The following SPATS2L variants were observed in gnomAD, a reference collection of about 807,000 sequenced individuals.
SPATS2L encodes the protein SPATS2-like protein.
In SPATS2L, 30 loss-of-function variants were observed where a neutral mutation model predicts 59.6. The ratio of observed to expected loss-of-function variants is 0.50; its 90% CI spans 0.38 to 0.68. The LOEUF is 0.68. SPATS2L is among the 30% of genes least tolerant of loss of function. The pLI, the probability that SPATS2L is intolerant of heterozygous loss-of-function variation, is 0.00. For missense variants in SPATS2L, 615 were observed against 700.0 expected, an observed-to-expected ratio of 0.88 and a Z score of 1.37; for synonymous variants, 252 against 263.5, an observed-to-expected ratio of 0.96 and a Z score of 0.42.
intron 2 of SPATS2L, chr2:200,351,175 A>G (rs1479971269): frequency 8.6e-6 from 4 of 465,312 alleles, no homozygotes; most frequent in South Asian, 6.3e-5. Flanking sequence ...CTGAGGGAGA[A>G]GTGCATTTGT....
chr2:200,412,764 T>A (rs2082923114), intron 4 of SPATS2L, among the ~76,000 whole-genome samples: 1 of 152,266 alleles, frequency 6.6e-6, no homozygotes, highest in South Asian at 2.1e-4. Context: ...TAATATTAAA[T>A]GTGTCCTTGG....
chr2:200,388,621 C>CG (rs1491027086), intron 2 of SPATS2L, among the ~76,000 whole-genome samples: 1 of 149,608 alleles, frequency 6.7e-6, no homozygotes, highest in African/African-American at 2.5e-5. Flanking sequence ...TGCCCCCCCC[C>CG]CACCCAGAAA....
At chr2:200,392,208 G>T (rs2082192990) in intron 3 of SPATS2L, among the ~76,000 whole-genome samples, 1 of 152,140 alleles carries the variant, frequency 6.6e-6, no homozygotes. Context: ...GTGATTAGAG[G>T]GTTGGAATTT....
At chr2:200,439,720 A>G (rs1269871298) in intron 7 of SPATS2L, among the ~76,000 whole-genome samples, 1 of 152,234 alleles carries the variant, frequency 6.6e-6, no homozygotes, top group Non-Finnish European at 1.5e-5. Flanking sequence ...TTGAACAAAG[A>G]TGAGTCTGGA....
chr2:200,325,755 C>T (rs2079716622), intron 1 of SPATS2L, among the ~76,000 whole-genome samples: 1 of 152,178 alleles, frequency 6.6e-6, no homozygotes, highest in Non-Finnish European at 1.5e-5. Flanking sequence ...CTTACTCTTT[C>T]TCTGAAGTTT....
Position 200,472,948 on chromosome 2 carries a change from A to G in SPATS2L, c.1177A>G (p.Thr393Ala), listed in dbSNP as rs1417363703. Residue 393 changes from threonine (T) to alanine (A), a missense_variant, in exon 12 of 13, where the codon ACT (threonine) becomes GCT (alanine). By Grantham distance (58) the Thr-to-Ala change is moderately conservative (BLOSUM62 0). Transcript: ENST00000409140. ...GAGTAACTTTTCCCGAAAATCATCC[A>G]CTCACAATAAGCCCTCTGAAGGCAA... ...KQSNFSRKSSTHNKPSEGKAA... is the reference protein window; with the variant it reads ...KQSNFSRKSSAHNKPSEGKAA... 1.2e-6 allele frequency: 2 copies of G among 1,613,692 alleles called. No individual in the cohort carries two copies. The highest frequency in any genetic ancestry group is 1.7e-6 in the Non-Finnish European group (2 of 1,179,816).
intron 2 of SPATS2L, among the ~76,000 whole-genome samples, chr2:200,362,597 T>C (rs781464887): frequency 6.6e-6 from 1 of 152,216 alleles, no homozygotes; most frequent in Non-Finnish European, 1.5e-5. Context: ...GACTTACCTA[T>C]GTGAAGATAC....
At chr2:200,397,432 C>T (rs895610556) in intron 3 of SPATS2L, among the ~76,000 whole-genome samples, 2 of 152,116 alleles carry the variant, frequency 1.3e-5, no homozygotes. Context: ...TCCTTCTCTC[C>T]TAACCTTGTA....
intron 11 of SPATS2L, 149 bp from the exon 12 acceptor site, chr2:200,472,683 C>T (rs1239113287): frequency 7.3e-6 from 5 of 682,480 alleles, no homozygotes; most frequent in South Asian, 5.9e-5. Flanking sequence ...CCAAGATGCC[C>T]TTTCAAATAA....
intron 2 of SPATS2L, among the ~76,000 whole-genome samples, chr2:200,333,090 G>A (rs995095656): frequency 2.0e-5 from 3 of 151,888 alleles, no homozygotes; most frequent in Non-Finnish European, 4.4e-5. Context: ...AGACCAGCCT[G>A]GGCAACATGG....
intron 3 of SPATS2L, among the ~76,000 whole-genome samples, chr2:200,400,293 G>A (rs562906016): frequency 7.9e-5 from 12 of 152,154 alleles, no homozygotes; most frequent in Non-Finnish European, 1.8e-4. Flanking sequence ...ACCTCCAGTG[G>A]ACTCAAGGAC....
intron 2 of SPATS2L, among the ~76,000 whole-genome samples, chr2:200,370,798 G>A (rs920132205): frequency 1.3e-5 from 2 of 152,178 alleles, no homozygotes; most frequent in Non-Finnish European, 2.9e-5. Context: ...CCCAGACTGT[G>A]TACTTAATGG....
At chr2:200,344,008 C>T (rs2080421305) in intron 2 of SPATS2L, among the ~76,000 whole-genome samples, 1 of 151,368 alleles carries the variant, frequency 6.6e-6, no homozygotes, top group Admixed American at 6.6e-5. Context: ...ATACTGCTTT[C>T]ATAATAAGCA....
In SPATS2L at chr2:200,335,694, C is replaced by A. The variant is rs555040086; in HGVS notation, c.-23+6214C>A. The stretch of plus-strand genomic sequence containing the variant: ...TTAGAAGTGAACGACTGTGTCACTG[C>A]ATGGCAAAGTGGTCTCCAAAGTGGG... On this transcript the variant is annotated intron_variant, in intron 2 of 12. Transcript: ENST00000409140. Among the ~76,000 whole-genome samples, 5 of 152,328 alleles carry A rather than the reference C, an allele frequency of 3.3e-5. No individual in the cohort carries two copies. The South Asian group carries it at 1.0e-3, about 32-fold the overall frequency.
At chr2:200,432,260 T>C (rs2083983007) in intron 6 of SPATS2L, among the ~76,000 whole-genome samples, 1 of 152,024 alleles carries the variant, frequency 6.6e-6, no homozygotes, top group Non-Finnish European at 1.5e-5. Flanking sequence ...GGAGCTTTGG[T>C]GGGGAGGAAG....
At chr2:200,373,270 C>CAAAAAAAAAAAAAAAAAAAAAAAA (rs3856514) in intron 2 of SPATS2L, 12 of 106,038 alleles carry the variant, frequency 1.1e-4, no homozygotes, top group Non-Finnish European at 1.7e-4. Context: ...ACTGCCTTAA[C>CAAAAAAAAAAAAAAAAAAAAAAAA]AAAAAAAAAA....
At chr2:200,375,234 G>T (rs3754798) in intron 2 of SPATS2L, among the ~76,000 whole-genome samples, 37,431 of 152,134 alleles carry the variant, frequency 0.25, 5,792 homozygotes, top group South Asian at 0.36. Flanking sequence ...TAGGAGTGAG[G>T]CTAATGGTTA....
chr2:200,479,493 C>G lies in SPATS2L; in HGVS notation c.*1462C>G. 2.5e-6 allele frequency: 1 copy of G among 398,492 alleles called. No homozygotes were observed. Among genetic ancestry groups the G allele is most frequent in the Non-Finnish European group, 4.4e-6 (1 of 226,060 alleles). 24.7% of individuals were successfully genotyped at this position (398,492 alleles called of 1,614,324 possible). A position where few individuals can be genotyped will look rare whatever the true frequency, so the allele number is the denominator to read the frequency against. On this transcript the variant is annotated 3_prime_UTR_variant, in exon 13 of 13. Transcript: ENST00000409140. ...TGCATAGACTAATTAGAGCCCACCCCTGGAGCCTGGGTGTGGCCATCTTCC... is the reference window on the plus strand; with the variant it reads ...TGCATAGACTAATTAGAGCCCACCCGTGGAGCCTGGGTGTGGCCATCTTCC...
At chr2:200,383,500 A>G (rs767225146) in intron 2 of SPATS2L, among the ~76,000 whole-genome samples, 4 of 152,110 alleles carry the variant, frequency 2.6e-5, no homozygotes, top group South Asian at 4.1e-4. Flanking sequence ...TTGCATGAAA[A>G]TGACCTGGGA....
Sources: allele counts gnomAD v4.1 joint callset (sites outside exome capture counted in the v4.1 genomes callset), GRCh38; gene constraint gnomAD v4.1.1; transcripts MANE v1.5; gene names NCBI Gene and HGNC (gene_info 2026-07-23, HGNC 2026-07-21).